ABCG4: variants seen among roughly 807,000 people sequenced by gnomAD.
The protein encoded by ABCG4 is ATP-binding cassette sub-family G member 4.
ABCG4 carries 35 observed loss-of-function variants against 64.6 expected under a neutral mutation model. The ratio of observed to expected loss-of-function variants is 0.54; its 90% CI spans 0.41 to 0.72. ABCG4 has a LOEUF of 0.72. Ranked by LOEUF, ABCG4 falls within the 30% of genes least tolerant of loss-of-function variation. The pLI, the probability that ABCG4 is intolerant of heterozygous loss-of-function variation, is 0.00. For synonymous variants in ABCG4, 326 were observed against 348.2 expected (o/e 0.94, Z 0.71); for missense variants, 610 against 846.3 (o/e 0.72, Z 3.46).
At chr11:119,159,200 T>C (rs563452101) in intron 12 of ABCG4, among the ~76,000 whole-genome samples, 1 of 152,294 alleles carries the variant, frequency 6.6e-6, no homozygotes, top group African/African-American at 2.4e-5. Flanking sequence ...AAAATAACCC[T>C]ATAGGGCCAG....
rs1948342716 is a variant in ABCG4, at chr11:119,160,972, C to T, written c.1807C>T (p.Gln603Ter). 1 of 1,614,120 alleles carries T rather than the reference C, an allele frequency of 6.2e-7. No individual in the cohort carries two copies. The highest frequency in any genetic ancestry group is 8.5e-7 in the Non-Finnish European group (1 of 1,179,986). The stretch of plus-strand genomic sequence containing the variant: ...GGAACGCTGCCCGTTCCGGGAGCCA[C>T]AGAGCATCCTCCGAGCGCTGGATGT... Reference protein sequence around the residue: ...LEERCPFREPQSILRALDVED... With the variant: ...LEERCPFREP Residue 603 changes from glutamine to a stop codon, truncating the protein, a stop_gained, in exon 15 of 15, where the codon CAG (glutamine) becomes TAG (stop). Transcript: ENST00000619701. LOFTEE classifies it high-confidence loss of function. This position sits in a 1 kb window ranked among gnomAD's most constrained non-coding sequence, Gnocchi z 4.6.
Position 119,150,317 on chromosome 11 carries a change from A to G in ABCG4, c.238+114A>G. On this transcript the variant is annotated intron_variant, in intron 2 of 14. Transcript: ENST00000619701. This position sits in a 1 kb window ranked among gnomAD's most constrained non-coding sequence, Gnocchi z 4.3. Reference sequence around the variant, plus strand: ...AGTCCTGCACCAGTGGGCTCTGTGGAAACACTAAAATCTGGGCCCCAGCCC... The same window carrying G: ...AGTCCTGCACCAGTGGGCTCTGTGGGAACACTAAAATCTGGGCCCCAGCCC... 1 of 1,425,678 alleles carries G rather than the reference A, an allele frequency of 7.0e-7. No individual in the cohort carries two copies. The highest frequency in any genetic ancestry group is 9.4e-7 in the Non-Finnish European group (1 of 1,058,316). 88.3% of individuals were successfully genotyped at this position (1,425,678 alleles called of 1,614,324 possible).
rs1458037129 is a variant in ABCG4, at chr11:119,149,211, G to T, written c.-165G>T. 3 of 151,198 alleles carry T rather than the reference G, an allele frequency of 2.0e-5. No homozygotes were observed. The highest frequency in any genetic ancestry group is 7.3e-5 in the African/African-American group (3 of 41,250). The allele number at this position is 151,198 out of a possible 1,614,324, so 9.4% of individuals were successfully genotyped here. A position where few individuals can be genotyped will look rare whatever the true frequency, so the allele number is the denominator to read the frequency against. On this transcript the variant is annotated 5_prime_UTR_variant, in exon 1 of 15. Coordinates refer to ENST00000619701, the MANE Select transcript of ABCG4 (RefSeq NM_022169.5). This position sits in a 1 kb window ranked among gnomAD's most constrained non-coding sequence, Gnocchi z 8.3. ...CCGGCCCTCCTGCCTCGCCTGCCCC[G>T]CCCCGGCCCCGCCCCGGCCCGGGCC...
chr11:119,160,862 G>A lies in ABCG4; in HGVS notation c.1716-19G>A, dbSNP rs780149414. 2 of 1,609,560 alleles carry A rather than the reference G, an allele frequency of 1.2e-6. No homozygotes were observed. On this transcript the variant is annotated intron_variant, in intron 14 of 14. Coordinates refer to ENST00000619701, the MANE Select transcript of ABCG4 (RefSeq NM_022169.5). The surrounding 1 kb of genome is among the most constrained non-coding windows in gnomAD (Gnocchi z 4.6). ...GGACCCTGTGTGCTGTATCCCATCT[G>A]ATATCCCTGCCTGCCTAGGTATGGC... is the stretch of plus-strand genomic sequence containing the variant.
chr11:119,149,703 G>T lies in ABCG4; in HGVS notation c.-12-251G>T. 1.8e-6 allele frequency: 1 copy of T among 570,866 alleles called. No homozygotes were observed. Among genetic ancestry groups the T allele is most frequent in the East Asian group, 3.0e-5 (1 of 33,854 alleles). 35.4% of individuals were successfully genotyped at this position (570,866 alleles called of 1,614,324 possible). ...TGGCCTGCGGGGTAAGGAGATTAGA[G>T]AAGCCGCCGGGAGGAAGGAGCGATT... On this transcript the variant is annotated intron_variant, in intron 1 of 14. Coordinates refer to ENST00000619701, the MANE Select transcript of ABCG4 (RefSeq NM_022169.5). The surrounding 1 kb of genome is among the most constrained non-coding windows in gnomAD (Gnocchi z 8.3).
chr11:119,161,227 C>T lies in ABCG4; in HGVS notation c.*121C>T. 1.1e-6 allele frequency: 1 copy of T among 905,368 alleles called. No homozygotes were observed. Among genetic ancestry groups the T allele is most frequent in the South Asian group, 1.8e-5 (1 of 56,982 alleles). 56.1% of individuals were successfully genotyped at this position (905,368 alleles called of 1,614,324 possible). A position where few individuals can be genotyped will look rare whatever the true frequency, so the allele number is the denominator to read the frequency against. On this transcript the variant is annotated 3_prime_UTR_variant, in exon 15 of 15. Coordinates refer to ENST00000619701, the MANE Select transcript of ABCG4 (RefSeq NM_022169.5). ...TCCTGGCGGGGCTATCCTCTCCTCC[C>T]TTGGCTCCTCCACAGGCTGGCTGTC...
chr11:119,150,295 C>G lies in ABCG4; in HGVS notation c.238+92C>G, dbSNP rs914079926. The stretch of plus-strand genomic sequence containing the variant: ...CCTGGGTGTCCCATGTTCGGAAAGT[C>G]CTGCACCAGTGGGCTCTGTGGAAAC... On this transcript the variant is annotated intron_variant, in intron 2 of 14. Transcript: ENST00000619701. The surrounding 1 kb of genome is among the most constrained non-coding windows in gnomAD (Gnocchi z 4.3). The G allele has an allele frequency of 6.6e-6, 10 of 1,511,278 alleles. No individual in the cohort carries two copies. The highest frequency in any genetic ancestry group is 8.9e-6 in the Non-Finnish European group (10 of 1,120,790). The allele number at this position is 1,511,278 out of a possible 1,614,324, so 93.6% of individuals were successfully genotyped here. A position where few individuals can be genotyped will look rare whatever the true frequency, so the allele number is the denominator to read the frequency against.
chr11:119,156,291 C>T lies in ABCG4; in HGVS notation c.687-38C>T. 6.2e-7 allele frequency: 1 copy of T among 1,613,698 alleles called. No homozygotes were observed. The highest frequency in any genetic ancestry group is 8.5e-7 in the Non-Finnish European group (1 of 1,179,696). ...GACACTCCCTTCTTTTGGCCTCACC[C>T]ACCTCACGTGGCCCCCTGGTGGCCT... On this transcript the variant is annotated intron_variant, in intron 6 of 14. Transcript: ENST00000619701. The surrounding 1 kb of genome is among the most constrained non-coding windows in gnomAD (Gnocchi z 5.5).
At position 119,160,793 on chromosome 11, in the gene ABCG4, T is replaced by A. The variant is rs1948338773; in HGVS notation, c.1716-88T>A. On this transcript the variant is annotated intron_variant, in intron 14 of 14. Coordinates refer to ENST00000619701, the MANE Select transcript of ABCG4 (RefSeq NM_022169.5). The surrounding 1 kb of genome is among the most constrained non-coding windows in gnomAD (Gnocchi z 4.6). Reference sequence around the variant, plus strand: ...GGGCACCCTGGCTGCACCCCAGGGATGACAGCATTGCAGCTGGGCTCTGGC... The same window carrying A: ...GGGCACCCTGGCTGCACCCCAGGGAAGACAGCATTGCAGCTGGGCTCTGGC... 6.6e-7 allele frequency: 1 copy of A among 1,509,580 alleles called. No homozygotes were observed. Among genetic ancestry groups the A allele is most frequent in the Non-Finnish European group, 9.1e-7 (1 of 1,094,332 alleles). 93.5% of individuals were successfully genotyped at this position (1,509,580 alleles called of 1,614,324 possible).
Position 119,156,158 on chromosome 11 carries a change from T to A in ABCG4, c.687-171T>A. The stretch of plus-strand genomic sequence containing the variant: ...TGCTTATGAAACTGAACAGTGCTCT[T>A]GGCTTCTGGGTATCCCTCCAAGTGC... On this transcript the variant is annotated intron_variant, in intron 6 of 14. Coordinates refer to ENST00000619701, the MANE Select transcript of ABCG4 (RefSeq NM_022169.5). The surrounding 1 kb of genome is among the most constrained non-coding windows in gnomAD (Gnocchi z 5.5). 1 of 801,864 alleles carries A rather than the reference T, an allele frequency of 1.2e-6. No homozygotes were observed. The highest frequency in any genetic ancestry group is 3.8e-4 in the Middle Eastern group (1 of 2,626). 49.7% of individuals were successfully genotyped at this position (801,864 alleles called of 1,614,324 possible). A position where few individuals can be genotyped will look rare whatever the true frequency, so the allele number is the denominator to read the frequency against.
Position 119,149,810 on chromosome 11 carries a change from C to A in ABCG4, c.-12-144C>A. The A allele has an allele frequency of 7.8e-7, 1 of 1,274,674 alleles. No homozygotes were observed. The highest frequency in any genetic ancestry group is 1.1e-6 in the Non-Finnish European group (1 of 950,234). The allele number at this position is 1,274,674 out of a possible 1,614,324, so 79.0% of individuals were successfully genotyped here. A position where few individuals can be genotyped will look rare whatever the true frequency, so the allele number is the denominator to read the frequency against. Reference sequence around the variant, plus strand: ...GCGTCTCCGTGCGGAGAGTGGGGGGCGGGGGCAGAGTGCGGGGCTAACAGT... The same window carrying A: ...GCGTCTCCGTGCGGAGAGTGGGGGGAGGGGGCAGAGTGCGGGGCTAACAGT... On this transcript the variant is annotated intron_variant, in intron 1 of 14. Coordinates refer to ENST00000619701, the MANE Select transcript of ABCG4 (RefSeq NM_022169.5). This position sits in a 1 kb window ranked among gnomAD's most constrained non-coding sequence, Gnocchi z 8.3.
Position 119,160,673 on chromosome 11 carries a change from T to G in ABCG4, c.1715+17T>G. The G allele has an allele frequency of 6.2e-7, 1 of 1,606,736 alleles. No individual in the cohort carries two copies. Among genetic ancestry groups the G allele is most frequent in the South Asian group, 1.1e-5 (1 of 90,932 alleles). On this transcript the variant is annotated intron_variant, in intron 14 of 14. Coordinates refer to ENST00000619701, the MANE Select transcript of ABCG4 (RefSeq NM_022169.5). The surrounding 1 kb of genome is among the most constrained non-coding windows in gnomAD (Gnocchi z 4.6). ...CTATGTCAGGTCAGTACCCCTGCCC[T>G]CCTCGTTGGCCTCTGCTCCTCCCTG...
In ABCG4 at chr11:119,161,169, G is replaced by A; in HGVS notation, c.*63G>A. The A allele has an allele frequency of 2.0e-6, 3 of 1,505,058 alleles. No individual in the cohort carries two copies. The highest frequency in any genetic ancestry group is 2.7e-6 in the Non-Finnish European group (3 of 1,104,160). The allele number at this position is 1,505,058 out of a possible 1,614,324, so 93.2% of individuals were successfully genotyped here. A position where few individuals can be genotyped will look rare whatever the true frequency, so the allele number is the denominator to read the frequency against. ...GAAGCCCCCAGTCCCAGCCCTTTGG[G>A]ACTGTTTTAACCTTATAGACTTGGG... is the stretch of plus-strand genomic sequence containing the variant. On this transcript the variant is annotated 3_prime_UTR_variant, in exon 15 of 15. Transcript: ENST00000619701.
chr11:119,154,547 G>A lies in ABCG4; in HGVS notation c.512G>A (p.Ser171Asn). The change falls in exon 5 of 15, where the codon AGT becomes AAT. Residue 171 changes from serine to asparagine, a missense_variant. Ser to Asn is a conservative substitution (Grantham distance 46). Transcript: ENST00000619701. This position sits in a 1 kb window ranked among gnomAD's most constrained non-coding sequence, Gnocchi z 7.0. ...CAGGTCTCTGCTAACCTGAAGCTGA[G>A]TGAGAAGCAGGAGGTGAAGAAGGAG... ...AMMVSANLKL[S>N]EKQEVKKELV... is the part of the protein sequence containing the mutation. The A allele has an allele frequency of 6.2e-7, 1 of 1,613,816 alleles. No homozygotes were observed. Among genetic ancestry groups the A allele is most frequent in the Non-Finnish European group, 8.5e-7 (1 of 1,179,932 alleles).
Position 119,158,529 on chromosome 11 carries a change from C to G in ABCG4, c.1168-28C>G. On this transcript the variant is annotated intron_variant, in intron 10 of 14. Transcript: ENST00000619701. The surrounding 1 kb of genome is among the most constrained non-coding windows in gnomAD (Gnocchi z 4.5). ...TGGCTTGCCCTGGCCTGTAACACATCCCTCTCCTGGTGATGACCCCTCCCA... is the reference window on the plus strand; with the variant it reads ...TGGCTTGCCCTGGCCTGTAACACATGCCTCTCCTGGTGATGACCCCTCCCA... 1 of 1,613,778 alleles carries G rather than the reference C, an allele frequency of 6.2e-7. No homozygotes were observed.
chr11:119,158,497 T>C lies in ABCG4; in HGVS notation c.1168-60T>C, dbSNP rs1948298782. On this transcript the variant is annotated intron_variant, in intron 10 of 14. Transcript: ENST00000619701. This position sits in a 1 kb window ranked among gnomAD's most constrained non-coding sequence, Gnocchi z 4.5. ...CAGCTCCGAGTTCCTACTCCAAGTC[T>C]ACTCTGTGGCTTGCCCTGGCCTGTA... is the stretch of plus-strand genomic sequence containing the variant. 2 of 1,606,012 alleles carry C rather than the reference T, an allele frequency of 1.2e-6. No homozygotes were observed. Among genetic ancestry groups the C allele is most frequent in the African/African-American group, 1.3e-5 (1 of 74,826 alleles).
Position 119,161,489 on chromosome 11 carries a change from T to C in ABCG4, c.*383T>C. ...CTTACAACTGACCAAAGTGGCCCCC[T>C]CTGGGGGTCCCCACCACACAAGTGT... On this transcript the variant is annotated 3_prime_UTR_variant, in exon 15 of 15. Transcript: ENST00000619701. 1 of 178,374 alleles carries C rather than the reference T, an allele frequency of 5.6e-6. No homozygotes were observed. The highest frequency in any genetic ancestry group is 1.3e-4 in the South Asian group (1 of 7,488). 11.0% of individuals were successfully genotyped at this position (178,374 alleles called of 1,614,324 possible).
In ABCG4 at chr11:119,155,982, C is replaced by A. The variant is rs1329733054; in HGVS notation, c.687-347C>A. On this transcript the variant is annotated intron_variant, in intron 6 of 14. Coordinates refer to ENST00000619701, the MANE Select transcript of ABCG4 (RefSeq NM_022169.5). The surrounding 1 kb of genome is among the most constrained non-coding windows in gnomAD (Gnocchi z 4.5). ...ACCTGCTACAGCTGAGCTGAATCCG[C>A]CCCCTCTTTCACCCAGTGTTGCTAC... 7.5e-6 allele frequency: 2 copies of A among 268,354 alleles called. No individual in the cohort carries two copies. Among genetic ancestry groups the A allele is most frequent in the South Asian group, 8.7e-5 (2 of 22,938 alleles). The allele number at this position is 268,354 out of a possible 1,614,324, so 16.6% of individuals were successfully genotyped here. A position where few individuals can be genotyped will look rare whatever the true frequency, so the allele number is the denominator to read the frequency against.
At position 119,156,440 on chromosome 11, in the gene ABCG4, G is replaced by A. The variant is rs609034; in HGVS notation, c.798G>A (p.Glu266=). 5.3e-5 allele frequency: 85 copies of A among 1,614,214 alleles called. No homozygotes were observed. In the African/African-American group the frequency reaches 1.1e-3, roughly 20 times the overall value. ...ACCAGCCCAGTGCCAAGCTCTTTGA[G>A]ATGTTTGACAAGGTGAGTGTCTCCA... is the stretch of plus-strand genomic sequence containing the variant. ...TIHQPSAKLF[E]MFDKLYILSQ... The change falls in exon 7 of 15, where the codon GAG becomes GAA. Residue 266 remains glutamate, a synonymous_variant. Coordinates refer to ENST00000619701, the MANE Select transcript of ABCG4 (RefSeq NM_022169.5). This position sits in a 1 kb window ranked among gnomAD's most constrained non-coding sequence, Gnocchi z 5.5.
Sources: allele counts gnomAD v4.1 joint callset (sites outside exome capture counted in the v4.1 genomes callset), GRCh38; gene constraint gnomAD v4.1.1; non-coding constraint Gnocchi (gnomAD v3.1); transcripts MANE v1.5; gene names NCBI Gene and HGNC (gene_info 2026-07-23, HGNC 2026-07-21).